The following ZNF552 variants were observed in gnomAD, a reference collection of about 807,000 sequenced individuals.
ZNF552 encodes the protein zinc finger protein 552.
Under a neutral mutation model 7.2 loss-of-function variants are expected in ZNF552, and 2 were observed. The observed-to-expected ratio is 0.28, with a 90% confidence interval of 0.11 to 0.88. ZNF552 has a LOEUF of 0.88. Ranked by LOEUF, ZNF552 falls within the 40% of genes least tolerant of loss-of-function variation. ZNF552 has a pLI of 0.60. For synonymous variants in ZNF552, 173 were observed against 176.5 expected (o/e 0.98, Z 0.16); for missense variants, 421 against 493.4 (o/e 0.85, Z 1.39).
rs1568491461 is a variant in ZNF552 at position 57,813,286 on chromosome 19, C to T, written c.160+8G>A. 6.2e-7 allele frequency: 1 copy of T among 1,613,994 alleles called. No homozygotes were observed. Among genetic ancestry groups the T allele is most frequent in the African/African-American group, 1.3e-5 (1 of 74,942 alleles). ...CTCAGGTCACAGGGGTGAGTGTGGG[C>T]AACTTACCCAGGGAGGACATAAGTG... On this transcript the variant is annotated splice_region_variant and intron_variant, in intron 2 of 2. Transcript: ENST00000391701.
chr19:57,811,113 G>A (rs1987847005), intron 2 of ZNF552, among the ~76,000 whole-genome samples: 1 of 151,972 alleles, frequency 6.6e-6, no homozygotes, highest in Non-Finnish European at 1.5e-5. Context: ...GCAGGGGGAA[G>A]GCAGGGTTCC....
chr19:57,814,402 C>A (rs777528956), intron 1 of ZNF552: 22 of 941,896 alleles, frequency 2.3e-5, no homozygotes, highest in South Asian at 1.2e-4. Context: ...GATTTCACAG[C>A]CCCCAGCCTC....
In ZNF552 at chr19:57,809,114, GA is replaced by G; in HGVS notation, c.161-12del. Reference sequence around the variant, plus strand: ...CTCCACACCAACAACCTGAAAGCAAGAAAATGCTGGTGAAGTGCATGTTAAC... The same window carrying G: ...CTCCACACCAACAACCTGAAAGCAAGAAATGCTGGTGAAGTGCATGTTAAC... On this transcript the variant is annotated splice_polypyrimidine_tract_variant and intron_variant, in intron 2 of 2. Transcript: ENST00000391701. The G allele has an allele frequency of 6.5e-7, 1 of 1,537,264 alleles. No homozygotes were observed.
intron 1 of ZNF552, among the ~76,000 whole-genome samples, chr19:57,813,740 T>TC (rs1987902133): frequency 1.1e-5 from 1 of 91,466 alleles, no homozygotes; most frequent in African/African-American, 4.3e-5. Flanking sequence ...CATTCTTTTT[T>TC]TTTTTTTTTT....
chr19:57,811,089 G>GTATTTACTCAGTATTTACT (rs1568490849), intron 2 of ZNF552, among the ~76,000 whole-genome samples: 1 of 152,116 alleles, frequency 6.6e-6, no homozygotes, highest in East Asian at 1.9e-4. Flanking sequence ...GAAGGAACTC[G>GTATTTACTCAGTATTTACT]GAGACTGGTG....
chr19:57,813,734 CTTTTTTTTTT>C (rs528034833), intron 1 of ZNF552, among the ~76,000 whole-genome samples: 80 of 86,294 alleles, frequency 9.3e-4, no homozygotes, highest in Admixed American at 1.7e-3. Flanking sequence ...GCACCTCATT[CTTTTTTTTTT>C]TTTTTTTTTT....
intron 1 of ZNF552, 140 bp downstream of exon 1, chr19:57,814,571 C>G: frequency 6.4e-7 from 1 of 1,557,524 alleles, no homozygotes; most frequent in Non-Finnish European, 8.7e-7. Context: ...GTGTCTGAAA[C>G]AGGGATCCCT....
chr19:57,809,301 A>T (rs951393130), intron 2 of ZNF552, 198 bp from the exon 3 acceptor site: 61 of 1,305,116 alleles, frequency 4.7e-5, no homozygotes, highest in Middle Eastern at 1.8e-4. Context: ...GCCTCATAAC[A>T]TAAAGGACAC....
Position 57,808,260 on chromosome 19 carries a change from T to G in ZNF552, c.1004A>C (p.His335Pro), listed in dbSNP as rs1239444362. The change falls in exon 3 of 3, where the codon CAC (histidine) becomes CCC (proline). Residue 335 changes from histidine (H) to proline (P), a missense_variant. By Grantham distance (77) the His-to-Pro change is moderately conservative (BLOSUM62 -2). Coordinates refer to ENST00000391701, the MANE Select transcript of ZNF552 (RefSeq NM_024762.3). ...ECSDCGKSFT[H>P]SSTFRVHKRV... is the part of the protein sequence containing the mutation. ...CTTATGAACACGGAATGTAGAGCTG[T>G]GGGTAAATGACTTCCCACAATCACT... 11 of 1,614,038 alleles carry G rather than the reference T, an allele frequency of 6.8e-6. No individual in the cohort carries two copies. The highest frequency in any genetic ancestry group is 8.5e-6 in the Non-Finnish European group (10 of 1,180,024).
intron 2 of ZNF552, among the ~76,000 whole-genome samples, chr19:57,811,714 T>C (rs1199950032): frequency 1.8e-4 from 4 of 21,920 alleles, no homozygotes; most frequent in Admixed American, 7.3e-4. Context: ...AAACTCCATC[T>C]CAAAAAAAAA....
At chr19:57,809,965 G>A (rs993166985) in intron 2 of ZNF552, among the ~76,000 whole-genome samples, 22 of 151,734 alleles carry the variant, frequency 1.4e-4, no homozygotes, top group African/African-American at 4.8e-4. Context: ...ACATTAGCCA[G>A]GTGTGATGGT....
intron 2 of ZNF552, 184 bp downstream of exon 2, chr19:57,813,110 A>AGGG (rs1987887198): frequency 1.0e-6 from 1 of 971,014 alleles, no homozygotes; most frequent in Non-Finnish European, 1.5e-6. Context: ...CTGGGAGCTC[A>AGGG]ATAGCAGGTG....
chr19:57,808,000 G>T lies in ZNF552; in HGVS notation c.*40C>A. ...TGCAATCACAGGATCTTACTCAGGT[G>T]TGTATTCTCCAATATTTAATGAGAC... On this transcript the variant is annotated 3_prime_UTR_variant, in exon 3 of 3. Transcript: ENST00000391701. The T allele has an allele frequency of 1.3e-6, 2 of 1,547,054 alleles. No homozygotes were observed. Among genetic ancestry groups the T allele is most frequent in the Non-Finnish European group, 1.7e-6 (2 of 1,146,372 alleles).
At position 57,813,425 on chromosome 19, in the gene ZNF552, T is replaced by C. The variant is rs893123142; in HGVS notation, c.34-5A>G. On this transcript the variant is annotated splice_region_variant and splice_polypyrimidine_tract_variant and intron_variant, in intron 1 of 2. Transcript: ENST00000391701. The stretch of plus-strand genomic sequence containing the variant: ...GTCTTCAAAAGTCACTGTGCCCTGT[T>C]ATGATGTTGACAGATGAAACCACAA... 6.2e-6 allele frequency: 10 copies of C among 1,613,302 alleles called. No homozygotes were observed. The highest frequency in any genetic ancestry group is 7.6e-6 in the Non-Finnish European group (9 of 1,179,466).
rs1336578869 is a variant in ZNF552, at chr19:57,813,346, T to C, written c.108A>G (p.Arg36=). 3 of 1,613,948 alleles carry C rather than the reference T, an allele frequency of 1.9e-6. No individual in the cohort carries two copies. The highest frequency in any genetic ancestry group is 2.5e-6 in the Non-Finnish European group (3 of 1,180,018). Residue 36 remains arginine, a synonymous_variant, in exon 2 of 3, where the codon AGA becomes AGG. Coordinates refer to ENST00000391701, the MANE Select transcript of ZNF552 (RefSeq NM_024762.3). The stretch of plus-strand genomic sequence containing the variant: ...CCAGCGTCACATCACGGTACAGGCA[T>C]CTCTGAGCCTCACTAAGGAGATTCC... The part of the protein sequence containing the change: ...EEWNLLSEAQ[R]CLYRDVTLEN...
In ZNF552 at chr19:57,808,634, G is replaced by A; in HGVS notation, c.630C>T (p.Ser210=). 6.2e-7 allele frequency: 1 copy of A among 1,614,122 alleles called. No homozygotes were observed. Among genetic ancestry groups the A allele is most frequent in the Middle Eastern group, 1.6e-4 (1 of 6,062 alleles). The change falls in exon 3 of 3, where the codon AGC becomes AGT. Residue 210 remains serine (S), a synonymous_variant. Transcript: ENST00000391701. Reference sequence around the variant, plus strand: ...TCATGCATCCTCCACAGCTGTAATGGCTTTTTCCCCCATGAAACAGAGACA... The same window carrying A: ...TCATGCATCCTCCACAGCTGTAATGACTTTTTCCCCCATGAAACAGAGACA... The part of the protein sequence containing the change: ...ECVSLFHGGK[S]HYSCGGCMKH...
chr19:57,814,495 G>T (rs1194149454), intron 1 of ZNF552: 10 of 1,534,702 alleles, frequency 6.5e-6, no homozygotes, highest in African/African-American at 1.4e-5. Context: ...TCCCGGATCC[G>T]TCCATCTCCA....
At chr19:57,814,544 C>A in intron 1 of ZNF552, 167 bp downstream of exon 1, 1 of 1,541,994 alleles carries the variant, frequency 6.5e-7, no homozygotes, top group Admixed American at 2.0e-5. Context: ...TGTCGCTCTC[C>A]CCACCGCATC....
At chr19:57,809,646 TAAA>T in intron 2 of ZNF552, among the ~76,000 whole-genome samples, 1 of 144,980 alleles carries the variant, frequency 6.9e-6, no homozygotes, top group Admixed American at 6.9e-5. Flanking sequence ...TTAAAGGATT[TAAA>T]AAAAAAAAAA....
Sources: allele counts gnomAD v4.1 joint callset (sites outside exome capture counted in the v4.1 genomes callset), GRCh38; gene constraint gnomAD v4.1.1; transcripts MANE v1.5; gene names NCBI Gene and HGNC (gene_info 2026-07-23, HGNC 2026-07-21).